UTRN: variants seen among roughly 807,000 people sequenced by gnomAD.
UTRN encodes utrophin, also known as dystrophin-related protein 1.
Under a neutral mutation model 463.9 loss-of-function variants are expected in UTRN, and 283 were observed. The observed-to-expected ratio is 0.61, with a 90% CI of 0.55 to 0.67. The LOEUF (loss-of-function observed/expected upper bound fraction) is 0.67, where lower values mean the gene tolerates loss of function less well. Among genes scored for constraint, UTRN ranks in the 30% least tolerant of loss-of-function variants. The probability of loss-of-function intolerance (pLI) is 0.00; values close to 1 mark genes in which losing one functional copy is unlikely to be tolerated. For missense variants in UTRN, 3,922 were observed against 4,084.3 expected (o/e 0.96, Z 1.08); for synonymous variants, 1,442 against 1,431.5 (o/e 1.01, Z -0.17).
intron 51 of UTRN, among the ~76,000 whole-genome samples, chr6:144,590,196 T>C (rs954257566): frequency 6.6e-6 from 1 of 152,188 alleles, no homozygotes; most frequent in Non-Finnish European, 1.5e-5. Flanking sequence ...AATATATTCT[T>C]TTCAAAACTA....
chr6:144,715,697 C>CCCG (rs919600603), intron 53 of UTRN, among the ~76,000 whole-genome samples: 3 of 140,102 alleles, frequency 2.1e-5, no homozygotes, highest in South Asian at 2.5e-4. Flanking sequence ...CTCTCTTCCC[C>CCCG]CCCCACCCTT....
chr6:144,373,833 A>G (rs192337472), intron 2 of UTRN, among the ~76,000 whole-genome samples: 1 of 152,100 alleles, frequency 6.6e-6, no homozygotes, highest in Non-Finnish European at 1.5e-5. Context: ...AAAAATATCA[A>G]TTTCTTATGG....
In UTRN at chr6:144,517,000, G is replaced by C. The variant is rs548328431; in HGVS notation, c.5541+52G>C. ...CATTTAAATACCTTACTTAACTCTT[G>C]CCATTCAGATGTGTGATGCTGCATC... On this transcript the variant is annotated intron_variant, in intron 39 of 74. Coordinates refer to ENST00000367545, the MANE Select transcript of UTRN (RefSeq NM_007124.3). 308 of 1,366,616 alleles carry C rather than the reference G, an allele frequency of 2.3e-4. 4 individuals are homozygous for C. The South Asian group carries it at 5.1e-3, about 23-fold the overall frequency. The allele number at this position is 1,366,616 out of a possible 1,614,324, so 84.7% of individuals were successfully genotyped here. A position where few individuals can be genotyped will look rare whatever the true frequency, so the allele number is the denominator to read the frequency against.
chr6:144,298,781 G>A (rs1002940643), intron 2 of UTRN, among the ~76,000 whole-genome samples: 3 of 152,002 alleles, frequency 2.0e-5, no homozygotes, highest in Admixed American at 1.3e-4. Flanking sequence ...AAGCATATAA[G>A]GGCATTTCTG....
chr6:144,693,622 TAC>T (rs1783664386), intron 52 of UTRN, among the ~76,000 whole-genome samples: 1 of 152,128 alleles, frequency 6.6e-6, no homozygotes, highest in African/African-American at 2.4e-5. Flanking sequence ...TGATTAGCTA[TAC>T]TCGTAAGTAA....
In UTRN at chr6:144,704,778, A is replaced by T. The variant is rs530473513; in HGVS notation, c.7809+4535A>T. 2.0e-5 allele frequency among the ~76,000 whole-genome samples: 3 copies of T among 152,246 alleles called. No homozygotes were observed. The East Asian group carries it at 5.8e-4, about 29-fold the overall frequency. ...AGAGATCAAGACCTTCCTGGCCAAC[A>T]TGGTGAAACCCCGCCCCTACTAAAA... On this transcript the variant is annotated intron_variant, in intron 53 of 74. Transcript: ENST00000367545.
chr6:144,674,777 T>C (rs1211210421), intron 51 of UTRN, among the ~76,000 whole-genome samples: 1 of 152,192 alleles, frequency 6.6e-6, no homozygotes, highest in Non-Finnish European at 1.5e-5. Flanking sequence ...CAGGCAGGTC[T>C]CAAACTCCTG....
chr6:144,754,948 T>A, intron 57 of UTRN, 150 bp downstream of exon 57: 1 of 701,284 alleles, frequency 1.4e-6, no homozygotes, highest in Non-Finnish European at 2.3e-6. Flanking sequence ...AAATATTGCT[T>A]AATGGTTATT....
At chr6:144,615,302 T>C (rs983091980) in intron 51 of UTRN, among the ~76,000 whole-genome samples, 1 of 152,162 alleles carries the variant, frequency 6.6e-6, no homozygotes, top group African/African-American at 2.4e-5. Context: ...TTAATTCAGT[T>C]TCATAAATGA....
chr6:144,405,487 A>G (rs1363418858), intron 3 of UTRN, among the ~76,000 whole-genome samples: 1 of 151,644 alleles, frequency 6.6e-6, no homozygotes, highest in East Asian at 1.9e-4. Flanking sequence ...ATAGAACAAG[A>G]AAAAAAAATA....
At chr6:144,516,520 T>G (rs1585087944) in intron 38 of UTRN, 133 bp downstream of exon 38, 2 of 1,067,440 alleles carry the variant, frequency 1.9e-6, no homozygotes, top group Non-Finnish European at 2.6e-6. Flanking sequence ...TTTTTTGATG[T>G]GTGTCAATGT....
At chr6:144,620,415 G>A (rs2128647086) in intron 51 of UTRN, among the ~76,000 whole-genome samples, 1 of 151,492 alleles carries the variant, frequency 6.6e-6, no homozygotes, top group South Asian at 2.1e-4. Flanking sequence ...AGACTTACAG[G>A]CCTTTCTTAT....
intron 21 of UTRN, among the ~76,000 whole-genome samples, chr6:144,460,991 C>T (rs1026013472): frequency 1.3e-4 from 20 of 152,140 alleles, no homozygotes; most frequent in African/African-American, 3.1e-4. Flanking sequence ...ATATTTCAAA[C>T]GTCAACATCC....
At position 144,443,545 on chromosome 6, in the gene UTRN, A is replaced by G. The variant is rs547767769; in HGVS notation, c.1513-736A>G. ...TTAAATAATTCTTGTTCACATGTAT[A>G]TAGTACAAAAATAAATTTTAACATT... On this transcript the variant is annotated intron_variant, in intron 13 of 74. Transcript: ENST00000367545. Among the ~76,000 whole-genome samples, 13 of 152,338 alleles carry G rather than the reference A, an allele frequency of 8.5e-5. No individual in the cohort carries two copies. In the East Asian group the frequency reaches 1.7e-3, roughly 20 times the overall value.
intron 54 of UTRN, among the ~76,000 whole-genome samples, chr6:144,737,002 C>G (rs937327553): frequency 5.3e-5 from 8 of 152,202 alleles, no homozygotes; most frequent in African/African-American, 1.7e-4. Flanking sequence ...CTTTCCCTTC[C>G]CGAGCTCTCT....
intron 72 of UTRN, 46 bp downstream of exon 72, chr6:144,839,330 C>G (rs1388481728): frequency 6.7e-7 from 1 of 1,492,468 alleles, no homozygotes; most frequent in East Asian, 2.3e-5. Flanking sequence ...CTGCTTTGTG[C>G]TTTGCCATTA....
intron 3 of UTRN, among the ~76,000 whole-genome samples, chr6:144,420,360 A>G (rs1197486389): frequency 6.6e-6 from 1 of 152,096 alleles, no homozygotes; most frequent in Non-Finnish European, 1.5e-5. Context: ...GTGACTTTTG[A>G]TTTAAAAGGT....
In UTRN at chr6:144,533,309, A is replaced by G. The variant is rs749461920; in HGVS notation, c.6233+49A>G. The G allele has an allele frequency of 2.6e-5, 41 of 1,585,500 alleles. No individual in the cohort carries two copies. The South Asian group carries it at 4.4e-4, about 17-fold the overall frequency. ...AGGCACAGGAGTGAACATATTTTGG[A>G]TAGAATCTTTTAAGATGCAATCTAA... is the stretch of plus-strand genomic sequence containing the variant. On this transcript the variant is annotated intron_variant, in intron 43 of 74. Coordinates refer to ENST00000367545, the MANE Select transcript of UTRN (RefSeq NM_007124.3).
chr6:144,404,269 A>G (rs1245473111), intron 3 of UTRN, among the ~76,000 whole-genome samples: 1 of 152,196 alleles, frequency 6.6e-6, no homozygotes, highest in Non-Finnish European at 1.5e-5. Context: ...TTAGAACATA[A>G]AGGTGCTTGC....
Sources: gnomAD v4.1 joint callset for allele counts (sites outside exome capture counted in the v4.1 genomes callset) on GRCh38, gnomAD v4.1.1 for gene constraint, MANE v1.5 for transcripts, NCBI Gene and HGNC (gene_info 2026-07-23, HGNC 2026-07-21) for gene names.